The following PRLR variants were observed in gnomAD, a reference collection of about 807,000 sequenced individuals.
The protein encoded by PRLR is hPRL receptor.
A neutral mutation model predicts 40.2 loss-of-function variants in PRLR; 13 were observed. The observed-to-expected ratio is 0.32, with a 90% CI of 0.21 to 0.51. The LOEUF is 0.51. PRLR is among the 20% of genes least tolerant of loss of function. PRLR has a pLI of 0.97. For missense variants in PRLR, 656 were observed against 747.3 expected, an observed-to-expected ratio of 0.88 and a Z score of 1.42; for synonymous variants, 269 against 278.7, an observed-to-expected ratio of 0.97 and a Z score of 0.35.
chr5:35,193,370 G>A (rs879818399), intron 1 of PRLR, among the ~76,000 whole-genome samples: 1 of 152,156 alleles, frequency 6.6e-6, no homozygotes, highest in Non-Finnish European at 1.5e-5. Context: ...GCACAAACAC[G>A]GGTAAGATAT....
intron 1 of PRLR, among the ~76,000 whole-genome samples, chr5:35,175,091 G>GGATA (rs1019105289): frequency 6.6e-5 from 10 of 152,156 alleles, no homozygotes; most frequent in East Asian, 1.9e-4. Context: ...ACAGATGGAT[G>GGATA]GATAGATAGA....
chr5:35,055,379 C>T (rs555525855), downstream of PRLR, among the ~76,000 whole-genome samples: 5 of 151,948 alleles, frequency 3.3e-5, no homozygotes, highest in African/African-American at 1.2e-4. Flanking sequence ...TTTTAAGGCT[C>T]GAGTCTGGCA....
chr5:35,168,511 C>A (rs1774907671), intron 1 of PRLR, among the ~76,000 whole-genome samples: 1 of 151,844 alleles, frequency 6.6e-6, no homozygotes, highest in Non-Finnish European at 1.5e-5. Flanking sequence ...TGCATTCTGA[C>A]CACAGAGAAA....
chr5:35,078,707 G>A (rs1020234388), intron 5 of PRLR, among the ~76,000 whole-genome samples: 11 of 152,188 alleles, frequency 7.2e-5, no homozygotes, highest in East Asian at 1.9e-4. Flanking sequence ...AACTCATTTC[G>A]TGAGGCCAGC....
At chr5:35,154,667 C>T (rs1008531671) in intron 1 of PRLR, among the ~76,000 whole-genome samples, 5 of 152,096 alleles carry the variant, frequency 3.3e-5, no homozygotes, top group Non-Finnish European at 7.4e-5. Flanking sequence ...ATAAACCATT[C>T]TATTATAAAG....
downstream of PRLR, among the ~76,000 whole-genome samples, chr5:35,051,963 G>A (rs1418608757): frequency 6.6e-6 from 1 of 151,896 alleles, no homozygotes; most frequent in Admixed American, 6.6e-5. Context: ...TAAATAAAGG[G>A]GATTGTATGT....
chr5:35,154,185 T>G (rs1232684065), intron 1 of PRLR, among the ~76,000 whole-genome samples: 1 of 152,180 alleles, frequency 6.6e-6, no homozygotes, highest in Admixed American at 6.5e-5. Flanking sequence ...ATTATAGAAC[T>G]GTCAAGCTCA....
At chr5:35,218,414 T>TATAA (rs561811305) in intron 1 of PRLR, among the ~76,000 whole-genome samples, 3,971 of 152,198 alleles carry the variant, frequency 0.026, 195 homozygotes, top group African/African-American at 0.09. Flanking sequence ...ATATAACTAG[T>TATAA]TTAAACATAT....
chr5:35,093,305 A>C (rs969193737), intron 2 of PRLR, among the ~76,000 whole-genome samples: 3 of 152,104 alleles, frequency 2.0e-5, no homozygotes, highest in Non-Finnish European at 4.4e-5. Context: ...AGCTCCCAAC[A>C]TACCACTCCC....
intron 2 of PRLR, among the ~76,000 whole-genome samples, chr5:35,112,753 C>T (rs1772738900): frequency 6.6e-6 from 1 of 152,182 alleles, no homozygotes; most frequent in Non-Finnish European, 1.5e-5. Context: ...GTCTTTCAGA[C>T]TTGCTTCATT....
At chr5:35,089,719 C>A in intron 2 of PRLR, 56 bp from the exon 3 acceptor site, 5 of 1,071,686 alleles carry the variant, frequency 4.7e-6, no homozygotes, top group Admixed American at 1.8e-5. Context: ...TCAGGCACAT[C>A]CACCACTTTA....
chr5:35,118,352 G>A lies in PRLR; in HGVS notation c.-105-230C>T, dbSNP rs928281693. Among the ~76,000 whole-genome samples, 7 of 149,474 alleles carry A rather than the reference G, an allele frequency of 4.7e-5. 1 individual carries two copies. Among genetic ancestry groups the A allele is most frequent in the Admixed American group, 6.7e-5 (1 of 14,980 alleles). ...AAAAAAAAAAATCTCATATACCCTCGACCCACATACCTCAATTGTTACTAT... is the reference window on the plus strand; with the variant it reads ...AAAAAAAAAAATCTCATATACCCTCAACCCACATACCTCAATTGTTACTAT... On this transcript the variant is annotated intron_variant, in intron 1 of 9. Coordinates refer to ENST00000618457, the MANE Select transcript of PRLR (RefSeq NM_000949.7).
intron 1 of PRLR, among the ~76,000 whole-genome samples, chr5:35,225,836 C>A (rs1371975178): frequency 6.6e-6 from 1 of 152,160 alleles, no homozygotes; most frequent in Admixed American, 6.5e-5. Context: ...CACCCACCAC[C>A]ATGCCTGCCT....
intron 1 of PRLR, among the ~76,000 whole-genome samples, chr5:35,149,828 A>G (rs1331130675): frequency 6.6e-6 from 1 of 152,122 alleles, no homozygotes; most frequent in Non-Finnish European, 1.5e-5. Flanking sequence ...TTTTCTACAT[A>G]GCCAAAACCA....
chr5:35,110,326 C>A (rs1772579883), intron 2 of PRLR, among the ~76,000 whole-genome samples: 1 of 151,812 alleles, frequency 6.6e-6, no homozygotes, highest in South Asian at 2.1e-4. Flanking sequence ...AACAAACCTG[C>A]ATGTTGTGCA....
chr5:35,200,990 G>T (rs990110741), intron 1 of PRLR, among the ~76,000 whole-genome samples: 1 of 152,030 alleles, frequency 6.6e-6, no homozygotes, highest in Non-Finnish European at 1.5e-5. Context: ...CCAATTTTTA[G>T]TTGTATGGAA....
chr5:35,049,153 C>T (rs1211079424), exon 9 of PRLR: 12 of 698,318 alleles, frequency 1.7e-5, no homozygotes, highest in Admixed American at 4.0e-5. Flanking sequence ...TGGCTGGTCA[C>T]GTGCTGCAGG....
At chr5:35,068,422 T>C (rs1769517048) in intron 8 of PRLR, 137 bp from the exon 9 acceptor site, 2 of 733,746 alleles carry the variant, frequency 2.7e-6, no homozygotes, top group African/African-American at 1.8e-5. Context: ...CAATCAATGA[T>C]GAAAATAAAA....
chr5:35,176,388 G>A lies in PRLR; in HGVS notation c.-106+53880C>T, dbSNP rs150060398. 6.0e-3 allele frequency among the ~76,000 whole-genome samples: 916 copies of A among 152,206 alleles called. 6 individuals are homozygous for A. Among genetic ancestry groups the A allele is most frequent in the Admixed American group, 9.0e-3 (137 of 15,298 alleles). On this transcript the variant is annotated intron_variant, in intron 1 of 9. Transcript: ENST00000618457. ...ACCCTTTTACAGTGTACAGTTCTGT[G>A]GGGAAAAGCAAGAGAGATCAGATTG...
Sources: allele counts gnomAD v4.1 joint callset (sites outside exome capture counted in the v4.1 genomes callset), GRCh38; gene constraint gnomAD v4.1.1; transcripts MANE v1.5; gene names NCBI Gene and HGNC (gene_info 2026-07-23, HGNC 2026-07-21).